HSPA4: variants seen among roughly 807,000 people sequenced by gnomAD.
HSPA4 encodes the protein heat shock 70 kDa protein 4.
HSPA4 carries 25 observed loss-of-function variants against 106.2 expected under a neutral mutation model. The observed-to-expected ratio is 0.24, with a 90% CI of 0.17 to 0.33. The LOEUF (loss-of-function observed/expected upper bound fraction) is 0.33. Ranked by LOEUF, HSPA4 falls within the 10% of genes least tolerant of loss-of-function variation. The probability of loss-of-function intolerance (pLI) is 1.00; values close to 1 mark genes in which losing one functional copy is unlikely to be tolerated. For missense variants in HSPA4, 841 were observed against 996.0 expected, an observed-to-expected ratio of 0.84 and a Z score of 2.10; for synonymous variants, 332 against 333.6, an observed-to-expected ratio of 1.00 and a Z score of 0.05.
intron 4 of HSPA4, among the ~76,000 whole-genome samples, chr5:133,072,392 G>GTTCTT (rs1765393149): frequency 1.3e-5 from 1 of 75,726 alleles, no homozygotes; most frequent in South Asian, 5.5e-4. Context: ...GTCCAGGGTT[G>GTTCTT]TTTTTTTTTT....
chr5:133,104,378 C>T lies in HSPA4; in HGVS notation c.2465C>T (p.Thr822Ile), dbSNP rs1208837288. Residue 822 changes from threonine to isoleucine, a missense_variant, in exon 19 of 19, where the codon ACA becomes ATA. Transcript: ENST00000304858. ...GGCCCCCAGGCTGCTGAGCAGGGTA[C>T]AGACACAGCTGTGCCTTCGGATTCA... Reference protein sequence around the residue: ...NPGPQAAEQGTDTAVPSDSDK... With the variant: ...NPGPQAAEQGIDTAVPSDSDK... 2.5e-6 allele frequency: 4 copies of T among 1,614,170 alleles called. No individual in the cohort carries two copies. The highest frequency in any genetic ancestry group is 3.4e-6 in the Non-Finnish European group (4 of 1,180,024).
chr5:133,069,620 A>G (rs949842744), intron 3 of HSPA4, among the ~76,000 whole-genome samples: 1 of 152,236 alleles, frequency 6.6e-6, no homozygotes, highest in Non-Finnish European at 1.5e-5. Context: ...GAGCTATGGC[A>G]GTGAACAATC....
At chr5:133,084,569 C>G (rs948591620) in intron 7 of HSPA4, among the ~76,000 whole-genome samples, 1 of 152,054 alleles carries the variant, frequency 6.6e-6, no homozygotes, top group Non-Finnish European at 1.5e-5. Context: ...CTTCCAGGTT[C>G]AAGCGATTCT....
At chr5:133,085,689 A>C (rs183180917) in intron 7 of HSPA4, among the ~76,000 whole-genome samples, 1,867 of 149,848 alleles carry the variant, frequency 0.012, 29 homozygotes, top group African/African-American at 0.037. Flanking sequence ...CCCGCCCCCC[A>C]AAAAAAACTA....
rs972691351 is a variant in HSPA4 at position 133,097,404 on chromosome 5, C to T, written c.1929+118C>T. On this transcript the variant is annotated intron_variant, in intron 15 of 18. Transcript: ENST00000304858. ...TAGAATTATTAAAAATGGAGTTTTT[C>T]TGGGGGGGGCAAAATTTTATATTTT... is the stretch of plus-strand genomic sequence containing the variant. 2.7e-5 allele frequency: 21 copies of T among 774,852 alleles called. 1 individual carries two copies. Among genetic ancestry groups the T allele is most frequent in the Admixed American group, 2.5e-4 (10 of 39,290 alleles). The allele number at this position is 774,852 out of a possible 1,614,324, so 48.0% of individuals were successfully genotyped here.
At position 133,073,322 on chromosome 5, in the gene HSPA4, C is replaced by T; in HGVS notation, c.522C>T (p.Thr174=). 1 of 1,594,340 alleles carries T rather than the reference C, an allele frequency of 6.3e-7. No individual in the cohort carries two copies. Among genetic ancestry groups the T allele is most frequent in the South Asian group, 1.1e-5 (1 of 90,108 alleles). ...GLNCLRLMNE[T]TAVALAYGIY... ...ATTGCTTGCGATTAATGAATGAAACCACTGCAGGTAAGGAGGACCGTTGAT... is the reference window on the plus strand; with the variant it reads ...ATTGCTTGCGATTAATGAATGAAACTACTGCAGGTAAGGAGGACCGTTGAT... The change falls in exon 5 of 19, where the codon ACC becomes ACT. Residue 174 remains threonine (T), a synonymous_variant. Coordinates refer to ENST00000304858, the MANE Select transcript of HSPA4 (RefSeq NM_002154.4).
At chr5:133,073,621 C>G (rs1765411906) in intron 5 of HSPA4, among the ~76,000 whole-genome samples, 1 of 152,184 alleles carries the variant, frequency 6.6e-6, no homozygotes, top group African/African-American at 2.4e-5. Flanking sequence ...TTCTCTTAGA[C>G]TTGTGGACTG....
At chr5:133,076,594 T>C (rs1271864476) in intron 6 of HSPA4, 60 bp from the exon 7 acceptor site, 18 of 1,460,822 alleles carry the variant, frequency 1.2e-5, no homozygotes, top group Non-Finnish European at 1.7e-5. Context: ...GGTAAATATA[T>C]ATCATCTGTT....
At chr5:133,072,399 T>TGTTTTTTG (rs1561579050) in intron 4 of HSPA4, among the ~76,000 whole-genome samples, 2 of 137,076 alleles carry the variant, frequency 1.5e-5, no homozygotes, top group African/African-American at 5.7e-5. Context: ...GTTGTTTTTT[T>TGTTTTTTG]TTTTTTTTTT....
At chr5:133,068,809 A>T (rs543882371) in intron 3 of HSPA4, among the ~76,000 whole-genome samples, 1 of 152,372 alleles carries the variant, frequency 6.6e-6, no homozygotes, top group South Asian at 2.1e-4. Flanking sequence ...ATTCATAAGC[A>T]TTGCAAGAAG....
chr5:133,095,636 T>G (rs1263541978), intron 13 of HSPA4, among the ~76,000 whole-genome samples: 1 of 152,216 alleles, frequency 6.6e-6, no homozygotes, highest in African/African-American at 2.4e-5. Context: ...TTCATTTGAA[T>G]GTCTATATGT....
chr5:133,066,563 A>G lies in HSPA4; in HGVS notation c.166-854A>G, dbSNP rs1469082752. Among the ~76,000 whole-genome samples the G allele has an allele frequency of 2.6e-5, 4 of 152,304 alleles. No individual in the cohort carries two copies. In the East Asian group the frequency reaches 7.7e-4, roughly 29 times the overall value. ...TGATATTTCATTGTATGAATAGCCC[A>G]TAATTTAAGCATTTCCCTGTTATTA... is the stretch of plus-strand genomic sequence containing the variant. On this transcript the variant is annotated intron_variant, in intron 2 of 18. Coordinates refer to ENST00000304858, the MANE Select transcript of HSPA4 (RefSeq NM_002154.4).
Position 133,076,850 on chromosome 5 carries a change from G to T in HSPA4, c.860G>T (p.Ser287Ile), listed in dbSNP as rs778844969. The T allele has an allele frequency of 6.2e-7, 1 of 1,611,884 alleles. No individual in the cohort carries two copies. The change falls in exon 7 of 19, where the codon AGC becomes ATC. Residue 287 changes from serine (S) to isoleucine (I), a missense_variant. Around this residue, in one of 5 missense-constraint regions of HSPA4, gnomAD observed 347 missense variants for 408.7 expected, o/e 0.85. Coordinates refer to ENST00000304858, the MANE Select transcript of HSPA4 (RefSeq NM_002154.4). ...GCAAATGCTTCAGATCTCCCTTTGA[G>T]CATTGAATGTTTTATGAATGATGTT... is the stretch of plus-strand genomic sequence containing the variant. ...MSANASDLPL[S>I]IECFMNDVDV...
intron 1 of HSPA4, among the ~76,000 whole-genome samples, chr5:133,063,918 C>T (rs967586458): frequency 3.3e-5 from 5 of 152,018 alleles, no homozygotes; most frequent in Admixed American, 6.5e-5. Flanking sequence ...CATGCCACCA[C>T]GCCCAGCTAC....
intron 1 of HSPA4, among the ~76,000 whole-genome samples, chr5:133,055,216 C>T (rs905235710): frequency 4.6e-5 from 7 of 150,692 alleles, no homozygotes; most frequent in African/African-American, 1.7e-4. Context: ...CCATACATTT[C>T]AAGTGATTTC....
At chr5:133,102,909 T>G (rs1765805684) in intron 17 of HSPA4, among the ~76,000 whole-genome samples, 1 of 137,318 alleles carries the variant, frequency 7.3e-6, no homozygotes. Flanking sequence ...CCAACTAGGG[T>G]TGTCTTTTTT....
chr5:133,068,643 T>G (rs909542267), intron 3 of HSPA4, among the ~76,000 whole-genome samples: 1 of 152,202 alleles, frequency 6.6e-6, no homozygotes, highest in Non-Finnish European at 1.5e-5. Context: ...TGGGTTTTCT[T>G]AAAATATCTG....
At chr5:133,058,156 C>T (rs532717791) in intron 1 of HSPA4, among the ~76,000 whole-genome samples, 121 of 152,186 alleles carry the variant, frequency 8.0e-4, no homozygotes, top group African/African-American at 2.8e-3. Context: ...CTTTGGGAGG[C>T]CGAGGCAGGA....
intron 4 of HSPA4, among the ~76,000 whole-genome samples, chr5:133,072,913 C>T (rs1219749735): frequency 6.6e-6 from 1 of 152,134 alleles, no homozygotes; most frequent in African/African-American, 2.4e-5. Context: ...TCCTAGATGC[C>T]AGGCAAGGAC....
Sources: allele counts gnomAD v4.1 joint callset (sites outside exome capture counted in the v4.1 genomes callset), GRCh38; gene constraint gnomAD v4.1.1; regional missense constraint gnomAD v4.1.1; transcripts MANE v1.5; gene names NCBI Gene and HGNC (gene_info 2026-07-23, HGNC 2026-07-21).